The following FOXP1 variants were observed in gnomAD, a reference collection of about 807,000 sequenced individuals.
FOXP1 encodes forkhead box P1, also known as forkhead box protein P1.
Under a neutral mutation model 98.2 loss-of-function variants are expected in FOXP1, and 15 were observed. The observed-to-expected ratio is 0.15, with a 90% confidence interval of 0.10 to 0.24. The LOEUF is 0.24. FOXP1 is among the 10% of genes least tolerant of loss of function. The probability of loss-of-function intolerance (pLI) is 1.00; values close to 1 mark genes in which losing one functional copy is unlikely to be tolerated. For missense variants in FOXP1, 633 were observed against 848.5 expected, an observed-to-expected ratio of 0.75 and a Z score of 3.15; for synonymous variants, 371 against 314.5, an observed-to-expected ratio of 1.18 and a Z score of -1.90.
At chr3:71,397,105 T>TACATATATATATGTGTATATATATATAC (rs2081581465) in intron 3 of FOXP1, among the ~76,000 whole-genome samples, 1 of 113,810 alleles carries the variant, frequency 8.8e-6, no homozygotes, top group African/African-American at 3.3e-5. Context: ...TATATACATA[T>TACATATATATATGTGTATATATATATAC]ATATATATGT....
intron 6 of FOXP1, chr3:71,197,971 A>G (rs748794948): frequency 6.2e-7 from 1 of 1,614,074 alleles, no homozygotes; most frequent in East Asian, 2.2e-5. Context: ...TGCTCCCCAC[A>G]AGGGGACCTG....
At chr3:71,048,236 G>T (rs2049310067) in intron 9 of FOXP1, among the ~76,000 whole-genome samples, 1 of 152,074 alleles carries the variant, frequency 6.6e-6, no homozygotes, top group African/African-American at 2.4e-5. Context: ...CAACTAAAAG[G>T]ACTATCCAAG....
chr3:71,236,268 C>G (rs1364493915), intron 5 of FOXP1, among the ~76,000 whole-genome samples: 1 of 152,156 alleles, frequency 6.6e-6, no homozygotes, highest in African/African-American at 2.4e-5. Flanking sequence ...GATGTTGAAA[C>G]AATGGAAGGG....
intron 4 of FOXP1, among the ~76,000 whole-genome samples, chr3:71,301,875 C>G (rs186780940): frequency 6.6e-6 from 1 of 152,270 alleles, no homozygotes; most frequent in Admixed American, 6.5e-5. Flanking sequence ...AAAATAGAAG[C>G]TGATTCAGCC....
chr3:71,178,380 C>T (rs1438002376), intron 6 of FOXP1, among the ~76,000 whole-genome samples: 1 of 151,752 alleles, frequency 6.6e-6, no homozygotes, highest in Non-Finnish European at 1.5e-5. Context: ...GTAATCCACC[C>T]GCTTCGGTCT....
At chr3:71,280,874 T>C (rs1187767114) in intron 5 of FOXP1, among the ~76,000 whole-genome samples, 2 of 151,872 alleles carry the variant, frequency 1.3e-5, no homozygotes, top group Non-Finnish European at 2.9e-5. Context: ...ATAAGAGTTA[T>C]CCTGTATAGG....
At chr3:71,386,741 CAAAA>C (rs5850010) in intron 3 of FOXP1, among the ~76,000 whole-genome samples, 1 of 90,974 alleles carries the variant, frequency 1.1e-5, no homozygotes, top group Non-Finnish European at 2.0e-5. Flanking sequence ...GATTCCGTCT[CAAAA>C]AAAAAAAAAA....
At chr3:71,141,430 T>A (rs1425739382) in intron 6 of FOXP1, among the ~76,000 whole-genome samples, 3 of 152,150 alleles carry the variant, frequency 2.0e-5, no homozygotes, top group Non-Finnish European at 4.4e-5. Context: ...CTCCCCCACT[T>A]TTAAGAGCTT....
chr3:71,404,120 C>CTTTTTCTTTTTTTTTTTT (rs2082135901), intron 3 of FOXP1, among the ~76,000 whole-genome samples: 1 of 62,702 alleles, frequency 1.6e-5, no homozygotes, highest in Non-Finnish European at 2.8e-5. Flanking sequence ...TTTTCTTTTT[C>CTTTTTCTTTTTTTTTTTT]TTTTTTTTTT....
intron 5 of FOXP1, among the ~76,000 whole-genome samples, chr3:71,233,162 A>C (rs760862431): frequency 1.3e-4 from 19 of 150,534 alleles, no homozygotes; most frequent in Non-Finnish European, 1.6e-4. Context: ...AAGAAAAGAA[A>C]AGAGGGAAAG....
intron 6 of FOXP1, among the ~76,000 whole-genome samples, chr3:71,163,272 T>C (rs2061233141): frequency 6.6e-6 from 1 of 152,230 alleles, no homozygotes; most frequent in Non-Finnish European, 1.5e-5. Flanking sequence ...TGTTAAATAC[T>C]TCAAAGGAGT....
chr3:71,578,463 T>C (rs867119377), intron 2 of FOXP1, among the ~76,000 whole-genome samples: 1 of 152,254 alleles, frequency 6.6e-6, no homozygotes. Flanking sequence ...TGAAATGTGA[T>C]AGGTACTGTA....
intron 5 of FOXP1, among the ~76,000 whole-genome samples, chr3:71,246,828 G>T (rs1318108438): frequency 2.0e-5 from 3 of 152,084 alleles, no homozygotes; most frequent in African/African-American, 7.2e-5. Flanking sequence ...CAATTTCATG[G>T]CATCATTTTC....
intron 5 of FOXP1, among the ~76,000 whole-genome samples, chr3:71,271,845 G>A (rs962308809): frequency 2.6e-5 from 4 of 152,184 alleles, no homozygotes; most frequent in Non-Finnish European, 5.9e-5. Context: ...CCAAAGCCAT[G>A]GATTGTTACA....
chr3:71,261,324 A>C (rs1211758568), intron 5 of FOXP1, among the ~76,000 whole-genome samples: 1 of 152,154 alleles, frequency 6.6e-6, no homozygotes, highest in Non-Finnish European at 1.5e-5. Flanking sequence ...TAATAAAAAA[A>C]TTAGATTTTT....
intron 3 of FOXP1, among the ~76,000 whole-genome samples, chr3:71,432,274 G>A (rs1459915624): frequency 1.3e-5 from 2 of 152,138 alleles, no homozygotes; most frequent in Non-Finnish European, 2.9e-5. Context: ...CAGCACAGAC[G>A]CAGAATATTC....
Position 71,394,256 on chromosome 3 carries a change from C to G in FOXP1, c.-167-35012G>C, listed in dbSNP as rs111840264. ...CAATGATGAGTCCTCTTTAGAGATACGTTTTTAAAACCAACAGTCAACTCT... is the reference window on the plus strand; with the variant it reads ...CAATGATGAGTCCTCTTTAGAGATAGGTTTTTAAAACCAACAGTCAACTCT... On this transcript the variant is annotated intron_variant, in intron 3 of 20. Coordinates refer to ENST00000649528, the MANE Select transcript of FOXP1 (RefSeq NM_001349338.3). Among the ~76,000 whole-genome samples the G allele has an allele frequency of 7.0e-3, 1,065 of 152,282 alleles. 20 individuals carry two copies. The highest frequency in any genetic ancestry group is 0.024 in the African/African-American group (1,013 of 41,544).
intron 3 of FOXP1, among the ~76,000 whole-genome samples, chr3:71,461,473 G>A (rs1304561615): frequency 1.3e-5 from 2 of 151,628 alleles, no homozygotes; most frequent in Non-Finnish European, 2.9e-5. Context: ...CAGCCTGGGC[G>A]ACAGAATGAG....
At chr3:71,135,213 C>T (rs1318698134) in intron 6 of FOXP1, among the ~76,000 whole-genome samples, 4 of 142,980 alleles carry the variant, frequency 2.8e-5, no homozygotes, top group South Asian at 2.2e-4. Flanking sequence ...GAGCCAAGAT[C>T]GCACCACTGC....
Sources: gnomAD v4.1 joint callset for allele counts (sites outside exome capture counted in the v4.1 genomes callset) on GRCh38, gnomAD v4.1.1 for gene constraint, MANE v1.5 for transcripts, NCBI Gene and HGNC (gene_info 2026-07-23, HGNC 2026-07-21) for gene names.